Variants in ASNSD1 observed in about 807,000 individuals in gnomAD.
ASNSD1 encodes asparagine synthetase domain-containing protein 1.
In ASNSD1, 36 loss-of-function variants were observed where a neutral mutation model predicts 48.3. That is an observed-to-expected ratio of 0.75 (90% CI 0.57 to 0.99). The LOEUF (loss-of-function observed/expected upper bound fraction) is 0.99, where lower values mean the gene tolerates loss of function less well. ASNSD1 is among the 50% of genes least tolerant of loss of function. The probability of loss-of-function intolerance (pLI) is 0.00; values close to 1 mark genes in which losing one functional copy is unlikely to be tolerated. For synonymous variants in ASNSD1, 257 were observed against 262.1 expected, an observed-to-expected ratio of 0.98 and a Z score of 0.19; for missense variants, 714 against 758.2, an observed-to-expected ratio of 0.94 and a Z score of 0.69.
rs750362135 is a variant in ASNSD1 at position 189,666,806 on chromosome 2, T to G, written c.674T>G (p.Phe225Cys). ...LSQISADLPA[F>C]VSVVANEAKL... ...CAAATTTCAGCAGACTTACCAGCAT[T>G]TGTATCAGTGGTAGCAAATGAAGCC... The change falls in exon 4 of 6, where the codon TTT (phenylalanine) becomes TGT (cysteine). Residue 225 changes from phenylalanine (F) to cysteine (C), a missense_variant. Coordinates refer to ENST00000260952, the MANE Select transcript of ASNSD1 (RefSeq NM_019048.4). 3 of 1,614,010 alleles carry G rather than the reference T, an allele frequency of 1.9e-6. No individual in the cohort carries two copies. Among genetic ancestry groups the G allele is most frequent in the Non-Finnish European group, 2.5e-6 (3 of 1,179,984 alleles).
At position 189,666,221 on chromosome 2, in the gene ASNSD1, G is replaced by A. The variant is rs765679662; in HGVS notation, c.89G>A (p.Arg30Gln). Reference sequence around the variant, plus strand: ...GACTTACTATATAATCTTAAACAGCGGGGACCCAATAGTAGTAAACAATTG... The same window carrying A: ...GACTTACTATATAATCTTAAACAGCAGGGACCCAATAGTAGTAAACAATTG... ...KEDLLYNLKQ[R>Q]GPNSSKQLLK... The change falls in exon 4 of 6, where the codon CGG becomes CAG. Residue 30 changes from arginine (R) to glutamine (Q), a missense_variant. By Grantham distance (43) the Arg-to-Gln change is conservative. Coordinates refer to ENST00000260952, the MANE Select transcript of ASNSD1 (RefSeq NM_019048.4). 15 of 1,613,672 alleles carry A rather than the reference G, an allele frequency of 9.3e-6. No individual in the cohort carries two copies. Among genetic ancestry groups the A allele is most frequent in the East Asian group, 4.5e-5 (2 of 44,884 alleles).
At chr2:189,668,079 AT>A in intron 5 of ASNSD1, 134 bp downstream of exon 5, 1 of 809,840 alleles carries the variant, frequency 1.2e-6, no homozygotes, top group Non-Finnish European at 1.9e-6. Flanking sequence ...TTGGCTTTGT[AT>A]TATAAACAAA....
At chr2:189,670,072 G>T (rs2032894632) in intron 5 of ASNSD1, among the ~76,000 whole-genome samples, 2 of 151,866 alleles carry the variant, frequency 1.3e-5, no homozygotes, top group Admixed American at 6.6e-5. Flanking sequence ...ACTTTGGGAG[G>T]CCAAAGCAGG....
At chr2:189,664,990 G>C (rs1263991614) in intron 2 of ASNSD1, among the ~76,000 whole-genome samples, 1 of 152,154 alleles carries the variant, frequency 6.6e-6, no homozygotes, top group Non-Finnish European at 1.5e-5. Flanking sequence ...TTGAAGCTGA[G>C]CAAATAAACT....
chr2:189,667,453 AGAAGAACTC>A lies in ASNSD1; in HGVS notation c.1325_1333del (p.Arg442_Arg444del). 2 of 1,614,216 alleles carry A rather than the reference AGAAGAACTC, an allele frequency of 1.2e-6. No individual in the cohort carries two copies. The highest frequency in any genetic ancestry group is 1.7e-5 in the Admixed American group (1 of 60,020). ...TTCTATGGAAGAACTGCAGAAATTA[AGAAGAACTC>A]GAATATGTCACTTAATTCGGCCATT... On this transcript the variant is annotated inframe_deletion, in exon 4 of 6. Coordinates refer to ENST00000260952, the MANE Select transcript of ASNSD1 (RefSeq NM_019048.4).
intron 5 of ASNSD1, among the ~76,000 whole-genome samples, chr2:189,670,190 C>CAAAAAAAAAAAAAAAAAAA (rs201038334): frequency 1.2e-5 from 1 of 80,506 alleles, no homozygotes; most frequent in Non-Finnish European, 2.5e-5. Flanking sequence ...CTCACCTAGG[C>CAAAAAAAAAAAAAAAAAAA]AAAAAAAAAA....
chr2:189,663,347 G>A (rs1002571912), intron 1 of ASNSD1, among the ~76,000 whole-genome samples: 2 of 151,988 alleles, frequency 1.3e-5, no homozygotes, highest in Admixed American at 6.6e-5. Context: ...TCCGCCTCCC[G>A]GGTTCAAGCA....
In ASNSD1 at chr2:189,666,688, A is replaced by G. The variant is rs768980049; in HGVS notation, c.556A>G (p.Thr186Ala). 6.2e-7 allele frequency: 1 copy of G among 1,613,178 alleles called. No homozygotes were observed. The highest frequency in any genetic ancestry group is 8.5e-7 in the Non-Finnish European group (1 of 1,179,122). Residue 186 changes from threonine (T) to alanine (A), a missense_variant, in exon 4 of 6, where the codon ACT (threonine) becomes GCT (alanine). Coordinates refer to ENST00000260952, the MANE Select transcript of ASNSD1 (RefSeq NM_019048.4). The part of the protein sequence containing the change: ...SGLFRIDLKS[T>A]VISGCIILQL... ...ACTTTTCAGAATTGATCTTAAGTCT[A>G]CTGTCATTTCCGGATGCATTATTTT...
At position 189,666,216 on chromosome 2, in the gene ASNSD1, A is replaced by T; in HGVS notation, c.84A>T (p.Lys28Asn). ...AAGAGGACTTACTATATAATCTTAA[A>T]CAGCGGGGACCCAATAGTAGTAAAC... ...DLKEDLLYNL[K>N]QRGPNSSKQL... The change falls in exon 4 of 6, where the codon AAA becomes AAT. Residue 28 changes from lysine (K) to asparagine (N), a missense_variant. Physicochemically the swap from Lys to Asn is moderately conservative, Grantham distance 94. Transcript: ENST00000260952. The T allele has an allele frequency of 6.2e-7, 1 of 1,613,538 alleles. No individual in the cohort carries two copies. The highest frequency in any genetic ancestry group is 1.1e-5 in the South Asian group (1 of 90,790).
chr2:189,667,482 G>A lies in ASNSD1; in HGVS notation c.1350G>A (p.Arg450=). ...LRRTRICHLI[R]PLDTVLDDSI... ...GAACTCGAATATGTCACTTAATTCG[G>A]CCATTGGATACAGTTTTGGATGATA... Residue 450 remains arginine (R), a synonymous_variant, in exon 4 of 6, where the codon CGG becomes CGA. Transcript: ENST00000260952. 1 of 1,614,148 alleles carries A rather than the reference G, an allele frequency of 6.2e-7. No homozygotes were observed. The highest frequency in any genetic ancestry group is 8.5e-7 in the Non-Finnish European group (1 of 1,180,030).
rs550654112 is a variant in ASNSD1, at chr2:189,663,916, A to C, written c.-207A>C. 2.6e-6 allele frequency: 1 copy of C among 388,212 alleles called. No individual in the cohort carries two copies. The highest frequency in any genetic ancestry group is 6.6e-4 in the Middle Eastern group (1 of 1,508). The allele number at this position is 388,212 out of a possible 1,614,324, so 24.0% of individuals were successfully genotyped here. ...ATTTCAATAGATTAAAGAACAAAAA[A>C]TTGTGGTGGATGAACTTTCTAACCT... is the stretch of plus-strand genomic sequence containing the variant. On this transcript the variant is annotated 5_prime_UTR_variant, in exon 2 of 6. Transcript: ENST00000260952.
intron 1 of ASNSD1, 25 bp downstream of exon 1, chr2:189,661,635 G>C: frequency 5.0e-6 from 2 of 399,454 alleles, no homozygotes; most frequent in Non-Finnish European, 8.8e-6. Context: ...CGACGAAAAG[G>C]CTCCTGGACT....
rs909013950 is a variant in ASNSD1 at position 189,666,738 on chromosome 2, T to G, written c.606T>G (p.Ile202Met). The stretch of plus-strand genomic sequence containing the variant: ...TACAACTGTATCCTTGGAAATATAT[T>G]TCTAGGGAGAATATTATTGAAGAAA... ...IILQLYPWKYISRENIIEENV... is the reference protein window; with the variant it reads ...IILQLYPWKYMSRENIIEENV... The change falls in exon 4 of 6, where the codon ATT becomes ATG. Residue 202 changes from isoleucine (I) to methionine (M), a missense_variant. Coordinates refer to ENST00000260952, the MANE Select transcript of ASNSD1 (RefSeq NM_019048.4). The G allele has an allele frequency of 6.2e-7, 1 of 1,613,414 alleles. No individual in the cohort carries two copies.
rs767398380 is a variant in ASNSD1, at chr2:189,667,597, G to A, written c.1464+1G>A. ...GAAATCCTATCAGAGCAATGCAAAG[G>A]TATGACACAGTGTTTCTTCTCCTGA... is the stretch of plus-strand genomic sequence containing the variant. On this transcript the variant is annotated splice_donor_variant, in intron 4 of 5. Transcript: ENST00000260952. LOFTEE classifies it high-confidence loss of function. 2.8e-5 allele frequency: 45 copies of A among 1,588,042 alleles called. No homozygotes were observed. Among genetic ancestry groups the A allele is most frequent in the Non-Finnish European group, 3.7e-5 (43 of 1,168,054 alleles).
chr2:189,663,019 G>A (rs1035338166), intron 1 of ASNSD1, among the ~76,000 whole-genome samples: 31 of 151,324 alleles, frequency 2.0e-4, no homozygotes, highest in African/African-American at 7.5e-4. Flanking sequence ...ATAAAAAGAG[G>A]GAAAAATACC....
chr2:189,668,417 T>C (rs1012895694), intron 5 of ASNSD1, among the ~76,000 whole-genome samples: 4 of 152,146 alleles, frequency 2.6e-5, no homozygotes, highest in Admixed American at 6.5e-5. Flanking sequence ...CTCGGGAGGC[T>C]GAGAATGGCT....
chr2:189,665,616 A>ATG (rs1559034460), intron 3 of ASNSD1, among the ~76,000 whole-genome samples, 165 bp downstream of exon 3: 1 of 107,000 alleles, frequency 9.3e-6, no homozygotes, highest in African/African-American at 3.7e-5. Context: ...ATATATATAT[A>ATG]TATATATATA....
chr2:189,670,548 G>T lies in ASNSD1; in HGVS notation c.1754G>T (p.Arg585Leu). Reference protein sequence around the residue: ...PRGIGEKLLLRLAAVELGLTA... With the variant: ...PRGIGEKLLLLLAAVELGLTA... ...GGAATTGGTGAAAAATTACTTTTAC[G>T]CCTTGCAGCTGTGGAACTTGGTCTT... is the stretch of plus-strand genomic sequence containing the variant. Residue 585 changes from arginine to leucine, a missense_variant, in exon 6 of 6, where the codon CGC (arginine) becomes CTC (leucine). Coordinates refer to ENST00000260952, the MANE Select transcript of ASNSD1 (RefSeq NM_019048.4). 1.9e-6 allele frequency: 3 copies of T among 1,613,960 alleles called. No individual in the cohort carries two copies. Among genetic ancestry groups the T allele is most frequent in the Non-Finnish European group, 1.7e-6 (2 of 1,179,950 alleles).
Position 189,667,570 on chromosome 2 carries a change from G to A in ASNSD1, c.1438G>A (p.Val480Met), listed in dbSNP as rs2032842048. ...GIGWLVAQEGVKSYQSNAKVV... is the reference protein window; with the variant it reads ...GIGWLVAQEGMKSYQSNAKVV... ...TGGTTGGTTAGTGGCCCAGGAAGGA[G>A]TGAAATCCTATCAGAGCAATGCAAA... Residue 480 changes from valine (V) to methionine (M), a missense_variant, in exon 4 of 6, where the codon GTG (valine) becomes ATG (methionine). Physicochemically the swap from Val to Met is conservative, Grantham distance 21 (BLOSUM62 1). Coordinates refer to ENST00000260952, the MANE Select transcript of ASNSD1 (RefSeq NM_019048.4). The A allele has an allele frequency of 1.2e-6, 2 of 1,611,546 alleles. No homozygotes were observed. Among genetic ancestry groups the A allele is most frequent in the Non-Finnish European group, 1.7e-6 (2 of 1,178,624 alleles).
Sources: gnomAD v4.1 joint callset for allele counts (sites outside exome capture counted in the v4.1 genomes callset) on GRCh38, gnomAD v4.1.1 for gene constraint, MANE v1.5 for transcripts, NCBI Gene and HGNC (gene_info 2026-07-23, HGNC 2026-07-21) for gene names.